The following TMEM150C variants were observed in gnomAD, a reference collection of about 807,000 sequenced individuals.
The protein encoded by TMEM150C is transmembrane protein 150C, also known as tentonin 3.
TMEM150C carries 10 observed loss-of-function variants against 29.9 expected under a neutral mutation model. The observed-to-expected ratio is 0.33, with a 90% CI of 0.21 to 0.57. TMEM150C has a LOEUF of 0.57. Among genes scored for constraint, TMEM150C ranks in the 20% least tolerant of loss-of-function variants. The pLI, the probability that TMEM150C is intolerant of heterozygous loss-of-function variation, is 0.88. For missense variants in TMEM150C, 251 were observed against 303.6 expected (o/e 0.83, Z 1.29); for synonymous variants, 101 against 112.5 (o/e 0.90, Z 0.64).
intron 1 of TMEM150C, among the ~76,000 whole-genome samples, chr4:82,547,857 T>C (rs1338340566): frequency 6.6e-6 from 1 of 152,108 alleles, no homozygotes; most frequent in Non-Finnish European, 1.5e-5. Flanking sequence ...ACTGGATATA[T>C]AGCCAAAAGA....
At chr4:82,551,888 T>A (rs763915706) in intron 1 of TMEM150C, among the ~76,000 whole-genome samples, 12 of 152,202 alleles carry the variant, frequency 7.9e-5, no homozygotes, top group Non-Finnish European at 1.2e-4. Flanking sequence ...CCAAACCTTA[T>A]GTTGAAATTT....
intron 1 of TMEM150C, among the ~76,000 whole-genome samples, chr4:82,513,357 T>C (rs1047476986): frequency 6.6e-6 from 1 of 152,126 alleles, no homozygotes; most frequent in Non-Finnish European, 1.5e-5. Context: ...GCCTGACTGT[T>C]AGAAGGAAAA....
chr4:82,494,736 A>G (rs1301111513), intron 6 of TMEM150C: 5 of 234,528 alleles, frequency 2.1e-5, no homozygotes, highest in Admixed American at 5.3e-5. Flanking sequence ...GAGACTAGAA[A>G]GGCTGAACTC....
chr4:82,562,025 C>T, upstream of TMEM150C: 1 of 1,154,300 alleles, frequency 8.7e-7, no homozygotes, highest in Non-Finnish European at 1.1e-6. Flanking sequence ...GATCTGCTCA[C>T]CCGCCCGCCC....
At chr4:82,504,821 G>A (rs1723859474) in intron 1 of TMEM150C, among the ~76,000 whole-genome samples, 154 bp from the exon 2 acceptor site, 1 of 152,100 alleles carries the variant, frequency 6.6e-6, no homozygotes, top group South Asian at 2.1e-4. Flanking sequence ...ACGAGGTCAG[G>A]AGATCGAGAC....
chr4:82,498,657 T>C (rs761873284), intron 5 of TMEM150C, among the ~76,000 whole-genome samples: 24 of 152,238 alleles, frequency 1.6e-4, no homozygotes, highest in Middle Eastern at 3.4e-3. Flanking sequence ...TTTTGTGGGA[T>C]AGGATGGTGC....
At chr4:82,510,265 C>A (rs1724081493) in intron 1 of TMEM150C, among the ~76,000 whole-genome samples, 1 of 151,846 alleles carries the variant, frequency 6.6e-6, no homozygotes, top group Non-Finnish European at 1.5e-5. Context: ...GGCGACAGAG[C>A]AAGACTCTAT....
At chr4:82,512,552 T>C (rs1021164260) in intron 1 of TMEM150C, among the ~76,000 whole-genome samples, 1 of 152,124 alleles carries the variant, frequency 6.6e-6, no homozygotes, top group African/African-American at 2.4e-5. Context: ...TTCTCTCCAA[T>C]GGAAAATGAA....
At position 82,540,420 on chromosome 4, in the gene TMEM150C, T is replaced by C. The variant is rs114916108; in HGVS notation, c.-11+21486A>G. 5.4e-3 allele frequency among the ~76,000 whole-genome samples: 826 copies of C among 152,144 alleles called. 3 individuals carry two copies. The highest frequency in any genetic ancestry group is 9.6e-3 in the Non-Finnish European group (651 of 68,002). On this transcript the variant is annotated intron_variant, in intron 1 of 7. Coordinates refer to ENST00000449862, the MANE Select transcript of TMEM150C (RefSeq NM_001080506.3). ...TGAGCAACCGCGCCTGGCTATTACC[T>C]ATTCTTTTAATTAGTGTTTCACTAC...
chr4:82,542,567 G>T (rs2110088394), intron 1 of TMEM150C, among the ~76,000 whole-genome samples: 1 of 152,298 alleles, frequency 6.6e-6, no homozygotes, highest in East Asian at 1.9e-4. Context: ...AAGGCAGGAG[G>T]TAGGGAAACC....
At chr4:82,491,596 G>C in intron 6 of TMEM150C, 2 of 630,332 alleles carry the variant, frequency 3.2e-6, no homozygotes, top group Non-Finnish European at 2.8e-6. Context: ...GCAGGGGCCG[G>C]AGCCACCTTC....
chr4:82,494,737 G>A lies in TMEM150C; in HGVS notation c.363+1331C>T, dbSNP rs538411373. 1.3e-5 allele frequency: 3 copies of A among 237,144 alleles called. No individual in the cohort carries two copies. The Admixed American group carries it at 1.6e-4, about 13-fold the overall frequency. 14.7% of individuals were successfully genotyped at this position (237,144 alleles called of 1,614,324 possible). ...GAAGACCAGGCTGAGAGACTAGAAAGGCTGAACTCTGGAGAACCTGTGCAT... is the reference window on the plus strand; with the variant it reads ...GAAGACCAGGCTGAGAGACTAGAAAAGCTGAACTCTGGAGAACCTGTGCAT... On this transcript the variant is annotated intron_variant, in intron 6 of 7. Coordinates refer to ENST00000449862, the MANE Select transcript of TMEM150C (RefSeq NM_001080506.3).
intron 1 of TMEM150C, among the ~76,000 whole-genome samples, chr4:82,512,336 A>T (rs1417316124): frequency 1.3e-5 from 2 of 152,242 alleles, no homozygotes; most frequent in Non-Finnish European, 2.9e-5. Flanking sequence ...CCTTGATAAC[A>T]TCATTAAGAC....
Position 82,502,806 on chromosome 4 carries a change from T to C in TMEM150C, c.168-12A>G. ...CATCACCTGCAATGCTTGAAAAAGA[T>C]GAAATGTTTTATAGTTACTATATCA... On this transcript the variant is annotated splice_polypyrimidine_tract_variant and intron_variant, in intron 4 of 7. Coordinates refer to ENST00000449862, the MANE Select transcript of TMEM150C (RefSeq NM_001080506.3). 1 of 1,595,772 alleles carries C rather than the reference T, an allele frequency of 6.3e-7. No individual in the cohort carries two copies. The highest frequency in any genetic ancestry group is 1.1e-5 in the South Asian group (1 of 87,946).
chr4:82,548,574 G>T (rs1725459838), intron 1 of TMEM150C, among the ~76,000 whole-genome samples: 1 of 152,116 alleles, frequency 6.6e-6, no homozygotes, highest in Admixed American at 6.5e-5. Context: ...TCCCCAAATT[G>T]CTGAGCTTGC....
chr4:82,510,480 G>C (rs996451952), intron 1 of TMEM150C, among the ~76,000 whole-genome samples: 1 of 152,106 alleles, frequency 6.6e-6, no homozygotes, highest in Non-Finnish European at 1.5e-5. Flanking sequence ...TTGGAATCCA[G>C]CTCTGCCTCT....
At chr4:82,561,629 G>C (rs1290698987) in intron 1 of TMEM150C, among the ~76,000 whole-genome samples, 2 of 148,352 alleles carry the variant, frequency 1.3e-5, no homozygotes, top group Admixed American at 6.7e-5. Flanking sequence ...GCGCCGGCTC[G>C]GGCGTTCGCA....
chr4:82,495,270 G>A lies in TMEM150C; in HGVS notation c.363+798C>T, dbSNP rs185918638. 3.4e-4 allele frequency: 76 copies of A among 225,938 alleles called. 1 individual carries two copies. The East Asian group carries it at 9.3e-3, about 28-fold the overall frequency. The allele number at this position is 225,938 out of a possible 1,614,324, so 14.0% of individuals were successfully genotyped here. A position where few individuals can be genotyped will look rare whatever the true frequency, so the allele number is the denominator to read the frequency against. On this transcript the variant is annotated intron_variant, in intron 6 of 7. Transcript: ENST00000449862. ...ATCCTGGCTAACAAGGTGAAACTCC[G>A]TCTCTACTAAAAATACAAAAATTTA...
chr4:82,561,901 C>T lies in TMEM150C; in HGVS notation c.-11+5G>A. 1 of 995,818 alleles carries T rather than the reference C, an allele frequency of 1.0e-6. No homozygotes were observed. The highest frequency in any genetic ancestry group is 1.2e-6 in the Non-Finnish European group (1 of 836,508). The allele number at this position is 995,818 out of a possible 1,614,324, so 61.7% of individuals were successfully genotyped here. ...CCCAGGCAGGGGAGGGGGCGCCGCG[C>T]CTACCTGCTCTGGTGCGGCGGGGCC... On this transcript the variant is annotated splice_donor_5th_base_variant and intron_variant, in intron 1 of 7. Coordinates refer to ENST00000449862, the MANE Select transcript of TMEM150C (RefSeq NM_001080506.3).
Sources: allele counts gnomAD v4.1 joint callset (sites outside exome capture counted in the v4.1 genomes callset), GRCh38; gene constraint gnomAD v4.1.1; transcripts MANE v1.5; gene names NCBI Gene and HGNC (gene_info 2026-07-23, HGNC 2026-07-21).